Variants in CDC73 observed in about 807,000 individuals in gnomAD.
The protein encoded by CDC73 is cell division cycle 73.
A neutral mutation model predicts 83.7 loss-of-function variants in CDC73; 21 were observed. That is an observed-to-expected ratio of 0.25 (90% CI 0.18 to 0.36). CDC73 has a LOEUF of 0.36. Among genes scored for constraint, CDC73 ranks in the 10% least tolerant of loss-of-function variants. CDC73 has a pLI of 1.00. For missense variants in CDC73, 342 were observed against 653.3 expected (o/e 0.52, Z 5.19); for synonymous variants, 224 against 212.9 (o/e 1.05, Z -0.45).
At chr1:193,147,537 T>G (rs561352981) in intron 7 of CDC73, among the ~76,000 whole-genome samples, 1 of 152,082 alleles carries the variant, frequency 6.6e-6, no homozygotes, top group South Asian at 2.1e-4. Context: ...CCAGCCAATT[T>G]TTTGTATTTT....
chr1:193,130,758 TC>T (rs1470090436), intron 3 of CDC73, among the ~76,000 whole-genome samples: 1 of 152,150 alleles, frequency 6.6e-6, no homozygotes, highest in Non-Finnish European at 1.5e-5. Flanking sequence ...CCTTGTAAGG[TC>T]AAAACTGATT....
intron 10 of CDC73, chr1:193,186,693 A>G (rs1395013673): frequency 6.6e-6 from 1 of 152,100 alleles, no homozygotes; most frequent in East Asian, 1.9e-4. Context: ...GTTTGCATTC[A>G]TTTTGACTAA....
intron 14 of CDC73, among the ~76,000 whole-genome samples, chr1:193,235,363 G>C (rs1476148435): frequency 6.6e-6 from 1 of 152,096 alleles, no homozygotes; most frequent in Non-Finnish European, 1.5e-5. Context: ...TGAGGTCATT[G>C]GATTGTTTTG....
Position 193,125,058 on chromosome 1 carries a change from T to C in CDC73, c.132-54T>C, listed in dbSNP as rs1407596293. 5.6e-6 allele frequency: 5 copies of C among 887,258 alleles called. No individual in the cohort carries two copies. In the South Asian group the frequency reaches 6.6e-5, roughly 12 times the overall value. 55.0% of individuals were successfully genotyped at this position (887,258 alleles called of 1,614,324 possible). ...GTTGTTTATATAAATGAATCCAGCC[T>C]GAAGAGTTGAATTAGAATTGTCAGT... On this transcript the variant is annotated intron_variant, in intron 1 of 16. Transcript: ENST00000367435.
intron 15 of CDC73, among the ~76,000 whole-genome samples, chr1:193,242,197 C>T (rs759340260): frequency 8.5e-5 from 13 of 152,092 alleles, no homozygotes; most frequent in Non-Finnish European, 1.3e-4. Context: ...TGGTGGGGGC[C>T]GAGCCCTCAA....
At chr1:193,246,378 G>C (rs1271449525) in intron 15 of CDC73, among the ~76,000 whole-genome samples, 2 of 151,976 alleles carry the variant, frequency 1.3e-5, no homozygotes, top group African/African-American at 4.8e-5. Flanking sequence ...CTTTTCCCCA[G>C]TGGAAGTTAA....
At chr1:193,129,541 A>C (rs551130984) in intron 2 of CDC73, among the ~76,000 whole-genome samples, 1 of 121,694 alleles carries the variant, frequency 8.2e-6, no homozygotes. Context: ...GAATCTCTCT[A>C]TGTTGCCCAG....
intron 5 of CDC73, among the ~76,000 whole-genome samples, chr1:193,136,760 AT>A (rs1212582173): frequency 6.6e-6 from 1 of 152,106 alleles, no homozygotes; most frequent in African/African-American, 2.4e-5. Context: ...TAGGGATACC[AT>A]TTATTTGATC....
intron 10 of CDC73, among the ~76,000 whole-genome samples, chr1:193,155,551 G>A (rs1399172681): frequency 6.6e-6 from 1 of 152,146 alleles, no homozygotes; most frequent in African/African-American, 2.4e-5. Flanking sequence ...GCCAAGGTGG[G>A]CAGATCACTT....
chr1:193,199,284 A>G (rs1677050727), intron 10 of CDC73, among the ~76,000 whole-genome samples: 1 of 152,124 alleles, frequency 6.6e-6, no homozygotes, highest in Non-Finnish European at 1.5e-5. Context: ...TTAAAAGACT[A>G]GCTGGACATG....
intron 9 of CDC73, among the ~76,000 whole-genome samples, chr1:193,150,719 A>G (rs138913472): frequency 1.3e-5 from 2 of 152,308 alleles, no homozygotes; most frequent in African/African-American, 4.8e-5. Flanking sequence ...CAGATAGCTT[A>G]TGTCGTAGTA....
In CDC73 at chr1:193,135,748, T is replaced by C. The variant is rs370620197; in HGVS notation, c.423+159T>C. Among the ~76,000 whole-genome samples the C allele has an allele frequency of 1.2e-4, 19 of 152,318 alleles. 1 individual carries two copies. The highest frequency in any genetic ancestry group is 4.6e-4 in the African/African-American group (19 of 41,576). On this transcript the variant is annotated intron_variant, in intron 5 of 16. Transcript: ENST00000367435. ...ATTGATTAATAAGTAGCTCAAGCTA[T>C]AGTTTTAGCTCTCTCACATGCAAGC...
chr1:193,143,296 T>C (rs999737929), intron 7 of CDC73, among the ~76,000 whole-genome samples: 1 of 152,230 alleles, frequency 6.6e-6, no homozygotes, highest in African/African-American at 2.4e-5. Flanking sequence ...GATTTGTTGA[T>C]ACTGATTTTC....
In CDC73 at chr1:193,159,056, C is replaced by T. The variant is rs542633055; in HGVS notation, c.972+6612C>T. On this transcript the variant is annotated intron_variant, in intron 10 of 16. Transcript: ENST00000367435. ...TCTCTTTTAGCACAAAGAAGCTCAACAAATGGTACTTGTAAAAAATCCTTT... is the reference window on the plus strand; with the variant it reads ...TCTCTTTTAGCACAAAGAAGCTCAATAAATGGTACTTGTAAAAAATCCTTT... Among the ~76,000 whole-genome samples the T allele has an allele frequency of 5.3e-5, 8 of 152,238 alleles. No individual in the cohort carries two copies. The East Asian group carries it at 1.5e-3, about 29-fold the overall frequency.
At chr1:193,188,947 G>A (rs1163575620) in intron 10 of CDC73, among the ~76,000 whole-genome samples, 1 of 150,076 alleles carries the variant, frequency 6.7e-6, no homozygotes, top group African/African-American at 2.4e-5. Flanking sequence ...CTTTCTTTCT[G>A]TCTGTCTGTT....
intron 13 of CDC73, among the ~76,000 whole-genome samples, chr1:193,225,939 C>T (rs1677560261): frequency 6.6e-6 from 1 of 152,188 alleles, no homozygotes; most frequent in East Asian, 1.9e-4. Context: ...TTTGTTTTTA[C>T]TGCATCTGCT....
intron 6 of CDC73, 111 bp downstream of exon 6, chr1:193,138,284 T>G: frequency 8.9e-6 from 7 of 785,280 alleles, no homozygotes; most frequent in Non-Finnish European, 1.1e-5. Flanking sequence ...GGATTCATTT[T>G]ATGCCTCTTT....
chr1:193,186,250 TTC>T (rs1254811821), intron 10 of CDC73: 1 of 152,618 alleles, frequency 6.6e-6, no homozygotes, highest in Non-Finnish European at 1.5e-5. Context: ...TTCTTTCATT[TTC>T]TCTCTTTCGT....
chr1:193,135,291 A>G, intron 3 of CDC73, 100 bp from the exon 4 acceptor site: 4 of 946,634 alleles, frequency 4.2e-6, no homozygotes, highest in Non-Finnish European at 5.1e-6. Context: ...GAAAATCACC[A>G]TATAGAAGTA....
Sources: gnomAD v4.1 joint callset for allele counts (sites outside exome capture counted in the v4.1 genomes callset) on GRCh38, gnomAD v4.1.1 for gene constraint, MANE v1.5 for transcripts, NCBI Gene and HGNC (gene_info 2026-07-23, HGNC 2026-07-21) for gene names.